Variants in MYPN observed in about 807,000 individuals in gnomAD.
MYPN encodes the protein sarcomeric protein myopalladin, 145 kDa (MYOP).
MYPN carries 63 observed loss-of-function variants against 129.4 expected under a neutral mutation model. The observed-to-expected ratio is 0.49, with a 90% CI of 0.40 to 0.60. The LOEUF (loss-of-function observed/expected upper bound fraction) is 0.60. Among genes scored for constraint, MYPN ranks in the 20% least tolerant of loss-of-function variants. The pLI is 0.00. For synonymous variants in MYPN, 629 were observed against 600.9 expected, an observed-to-expected ratio of 1.05 and a Z score of -0.68; for missense variants, 1,596 against 1,635.4, an observed-to-expected ratio of 0.98 and a Z score of 0.42.
chr10:68,166,704 T>G, intron 10 of MYPN, 38 bp downstream of exon 10: 3 of 1,611,478 alleles, frequency 1.9e-6, no homozygotes, highest in Non-Finnish European at 2.5e-6. Context: ...GGAGCTTCTG[T>G]GATCTTTTCT....
At chr10:68,097,379 T>C (rs1388174354) in intron 1 of MYPN, among the ~76,000 whole-genome samples, 1 of 152,234 alleles carries the variant, frequency 6.6e-6, no homozygotes, top group Non-Finnish European at 1.5e-5. Context: ...AGGTGGCCCA[T>C]TCAGCCTTTG....
chr10:68,190,977 G>T (rs2043501599), intron 13 of MYPN, among the ~76,000 whole-genome samples: 1 of 152,132 alleles, frequency 6.6e-6, no homozygotes, highest in South Asian at 2.1e-4. Context: ...TGGCGCCTTT[G>T]TCAAAAATGA....
chr10:68,115,221 T>C (rs1307254740), intron 1 of MYPN, among the ~76,000 whole-genome samples: 1 of 137,398 alleles, frequency 7.3e-6, no homozygotes, highest in Non-Finnish European at 1.5e-5. Context: ...ATTGCACCAC[T>C]GCAATCCAGC....
rs35853407 is a variant in MYPN, at chr10:68,161,515, C to CAA, written c.1460-199_1460-198dup. ...GGGCAACAAGAGTGAAACTCAGTCT[C>CAA]AAAAAAAAAAAAAAAAGTTTTTGCT... On this transcript the variant is annotated intron_variant, in intron 7 of 19. Transcript: ENST00000358913. Among the ~76,000 whole-genome samples the CAA allele has an allele frequency of 6.5e-4, 76 of 116,894 alleles. 1 individual carries two copies. The highest frequency in any genetic ancestry group is 2.8e-3 in the East Asian group (11 of 3,866). 76.7% of individuals were successfully genotyped at this position (116,894 alleles called of 152,430 possible). A position where few individuals can be genotyped will look rare whatever the true frequency, so the allele number is the denominator to read the frequency against.
At chr10:68,118,266 G>A (rs1225011206) in intron 1 of MYPN, among the ~76,000 whole-genome samples, 3 of 151,996 alleles carry the variant, frequency 2.0e-5, no homozygotes, top group African/African-American at 7.2e-5. Context: ...ACAAACATCA[G>A]TTGAATACCC....
chr10:68,163,623 C>T (rs929246500), intron 8 of MYPN, among the ~76,000 whole-genome samples: 1 of 151,866 alleles, frequency 6.6e-6, no homozygotes, highest in Non-Finnish European at 1.5e-5. Context: ...AGCAAGACTC[C>T]ATCTCAAAAA....
At chr10:68,144,738 C>T (rs2042634111) in intron 3 of MYPN, among the ~76,000 whole-genome samples, 1 of 152,046 alleles carries the variant, frequency 6.6e-6, no homozygotes, top group South Asian at 2.1e-4. Flanking sequence ...AGAGCATCCA[C>T]CTACACCTAC....
chr10:68,157,606 G>C (rs2042897747), intron 6 of MYPN, among the ~76,000 whole-genome samples: 1 of 150,590 alleles, frequency 6.6e-6, no homozygotes, highest in Non-Finnish European at 1.5e-5. Context: ...GGCCGAGGTG[G>C]GTGGATCACT....
At chr10:68,102,300 T>A (rs2041985717), upstream of MYPN, among the ~76,000 whole-genome samples, 1 of 151,940 alleles carries the variant, frequency 6.6e-6, no homozygotes, top group South Asian at 2.1e-4. Flanking sequence ...AATTATTTTT[T>A]AAATTTTTTA....
At chr10:68,177,281 A>C (rs1240410777) in intron 12 of MYPN, among the ~76,000 whole-genome samples, 1 of 152,214 alleles carries the variant, frequency 6.6e-6, no homozygotes, top group Non-Finnish European at 1.5e-5. Context: ...AGGAACTAGG[A>C]AAGTCTCTAA....
intron 1 of MYPN, among the ~76,000 whole-genome samples, chr10:68,111,773 G>A (rs1230620063): frequency 3.3e-5 from 5 of 152,122 alleles, no homozygotes; most frequent in Non-Finnish European, 5.9e-5. Context: ...TCCCTGCTAC[G>A]GAGACCTCCA....
chr10:68,148,330 T>A, intron 4 of MYPN, 23 bp from the exon 5 acceptor site: 1 of 1,550,568 alleles, frequency 6.4e-7, no homozygotes, highest in Non-Finnish European at 8.9e-7. Context: ...TATTTTATAA[T>A]CTATATTTTA....
chr10:68,210,490 C>A lies in MYPN; in HGVS notation c.*35C>A. Reference sequence around the variant, plus strand: ...GGTACCTGCTGTGTAAGAGAGCGGACTGTGGAGGGGGAATGAGAACAAGCC... The same window carrying A: ...GGTACCTGCTGTGTAAGAGAGCGGAATGTGGAGGGGGAATGAGAACAAGCC... On this transcript the variant is annotated 3_prime_UTR_variant, in exon 20 of 20. Coordinates refer to ENST00000358913, the MANE Select transcript of MYPN (RefSeq NM_032578.4). The A allele has an allele frequency of 1.2e-6, 2 of 1,611,876 alleles. No homozygotes were observed. Among genetic ancestry groups the A allele is most frequent in the Non-Finnish European group, 1.7e-6 (2 of 1,179,076 alleles).
chr10:68,194,312 A>G, intron 13 of MYPN, 51 bp from the exon 14 acceptor site: 2 of 1,600,898 alleles, frequency 1.2e-6, no homozygotes, highest in Non-Finnish European at 1.7e-6. Flanking sequence ...TAGTTCATTA[A>G]CCTCTAAAGA....
intron 12 of MYPN, among the ~76,000 whole-genome samples, chr10:68,178,645 G>A (rs898315138): frequency 1.8e-4 from 28 of 151,434 alleles, no homozygotes; most frequent in African/African-American, 6.8e-4. Context: ...CCCAGGAGGT[G>A]GAGGTTGCAG....
intron 2 of MYPN, among the ~76,000 whole-genome samples, chr10:68,124,296 A>G (rs1210037444): frequency 6.6e-6 from 1 of 152,162 alleles, no homozygotes; most frequent in Non-Finnish European, 1.5e-5. Flanking sequence ...TTTGTAGAGA[A>G]TTCCTGGTAT....
chr10:68,195,651 C>G (rs1456193780), intron 15 of MYPN, 119 bp downstream of exon 15: 3 of 806,556 alleles, frequency 3.7e-6, no homozygotes, highest in South Asian at 1.4e-5. Flanking sequence ...ACTTGCAGCA[C>G]TAGCATCACC....
At chr10:68,169,077 G>T (rs2043100594) in intron 10 of MYPN, among the ~76,000 whole-genome samples, 1 of 149,382 alleles carries the variant, frequency 6.7e-6, no homozygotes, top group African/African-American at 2.5e-5. Context: ...CAGGCATGGT[G>T]GCTCATGCCT....
chr10:68,174,886 G>A (rs2043202965), intron 11 of MYPN, among the ~76,000 whole-genome samples: 1 of 152,142 alleles, frequency 6.6e-6, no homozygotes, highest in Admixed American at 6.5e-5. Flanking sequence ...TGTAATCCCA[G>A]CACTTTGGGA....
Sources: allele counts gnomAD v4.1 joint callset (sites outside exome capture counted in the v4.1 genomes callset), GRCh38; gene constraint gnomAD v4.1.1; transcripts MANE v1.5; gene names NCBI Gene and HGNC (gene_info 2026-07-23, HGNC 2026-07-21).